KCNH1: variants seen among roughly 807,000 people sequenced by gnomAD.
KCNH1 encodes voltage-gated delayed rectifier potassium channel KCNH1.
In KCNH1, 27 loss-of-function variants were observed where a neutral mutation model predicts 69.2. That is an observed-to-expected ratio of 0.39 (90% CI 0.29 to 0.54). The LOEUF is 0.54. KCNH1 is among the 20% of genes least tolerant of loss of function. The pLI is 0.68. For synonymous variants in KCNH1, 456 were observed against 487.7 expected, an observed-to-expected ratio of 0.93 and a Z score of 0.86; for missense variants, 798 against 1,261.6, an observed-to-expected ratio of 0.63 and a Z score of 5.57.
chr1:210,951,536 A>G (rs1420999912), intron 6 of KCNH1, among the ~76,000 whole-genome samples: 1 of 152,116 alleles, frequency 6.6e-6, no homozygotes, highest in Non-Finnish European at 1.5e-5. Flanking sequence ...TGAGTTTACA[A>G]CGCTGCCTAG....
intron 5 of KCNH1, among the ~76,000 whole-genome samples, chr1:211,030,352 C>T (rs1689760414): frequency 6.6e-6 from 1 of 152,060 alleles, no homozygotes; most frequent in African/African-American, 2.4e-5. Flanking sequence ...TCAGTCTAAC[C>T]AATCACAAGA....
intron 7 of KCNH1, chr1:210,862,377 T>C: frequency 1.6e-6 from 1 of 634,142 alleles, no homozygotes; most frequent in Non-Finnish European, 2.9e-6. Context: ...CAGCGGCAAC[T>C]GGCGCAAAAG....
intron 6 of KCNH1, among the ~76,000 whole-genome samples, chr1:210,972,926 C>CAAAAA (rs34391382): frequency 3.7e-5 from 5 of 134,186 alleles, no homozygotes; most frequent in African/African-American, 5.5e-5. Context: ...CCAAACGTCT[C>CAAAAA]AAAAAAAAAA....
intron 6 of KCNH1, among the ~76,000 whole-genome samples, chr1:210,931,617 A>G (rs1184410748): frequency 1.3e-5 from 2 of 152,074 alleles, no homozygotes; most frequent in Admixed American, 1.3e-4. Flanking sequence ...CCACTAAATA[A>G]CTTCATGTAA....
intron 7 of KCNH1, among the ~76,000 whole-genome samples, chr1:210,884,052 C>G (rs1391015591): frequency 2.6e-5 from 4 of 152,138 alleles, no homozygotes; most frequent in East Asian, 1.9e-4. Context: ...ATGCCTATGT[C>G]AGATCTAGTG....
chr1:211,126,182 T>C (rs951825827), intron 1 of KCNH1, among the ~76,000 whole-genome samples: 3 of 128,432 alleles, frequency 2.3e-5, no homozygotes, highest in Non-Finnish European at 3.3e-5. Flanking sequence ...CTGGACAACA[T>C]GGCAAAACCC....
intron 10 of KCNH1, among the ~76,000 whole-genome samples, chr1:210,760,934 T>C (rs1167000944): frequency 6.6e-6 from 1 of 152,046 alleles, no homozygotes; most frequent in Non-Finnish European, 1.5e-5. Flanking sequence ...TCAAATCATA[T>C]CAGAATGATA....
chr1:210,961,461 C>G (rs533119091), intron 6 of KCNH1, among the ~76,000 whole-genome samples: 1 of 152,100 alleles, frequency 6.6e-6, no homozygotes, highest in Non-Finnish European at 1.5e-5. Flanking sequence ...AGTTTCATCT[C>G]TAGAAGTCTG....
intron 1 of KCNH1, among the ~76,000 whole-genome samples, chr1:211,131,741 TA>T (rs1389271051): frequency 6.6e-6 from 1 of 152,218 alleles, no homozygotes; most frequent in Non-Finnish European, 1.5e-5. Flanking sequence ...GATCACCTTT[TA>T]AACATTGAGT....
intron 1 of KCNH1, among the ~76,000 whole-genome samples, chr1:211,118,915 T>C (rs1011139627): frequency 5.9e-5 from 9 of 152,362 alleles, no homozygotes; most frequent in Admixed American, 1.3e-4. Flanking sequence ...AGTGTACTGT[T>C]CCCTGCCAAC....
chr1:211,118,855 A>G (rs1691634120), intron 1 of KCNH1, among the ~76,000 whole-genome samples: 1 of 152,272 alleles, frequency 6.6e-6, no homozygotes, highest in Non-Finnish European at 1.5e-5. Context: ...AAAGTGACTC[A>G]GTTTGGCAAT....
Position 210,984,120 on chromosome 1 carries a change from T to A in KCNH1, c.1032+34663A>T, listed in dbSNP as rs867727027. ...ATGCTTGTGATTTTTGCACATTGAT[T>A]TTGTATCCTGAGACTGCTGAAGTTG... On this transcript the variant is annotated intron_variant, in intron 6 of 10. Coordinates refer to ENST00000271751, the MANE Select transcript of KCNH1 (RefSeq NM_172362.3). Among the ~76,000 whole-genome samples, 27 of 152,312 alleles carry A rather than the reference T, an allele frequency of 1.8e-4. 1 individual carries two copies. The highest frequency in any genetic ancestry group is 6.8e-3 in the Middle Eastern group (2 of 294).
chr1:210,841,136 C>T (rs928393841), intron 7 of KCNH1, among the ~76,000 whole-genome samples: 2 of 152,152 alleles, frequency 1.3e-5, no homozygotes, highest in East Asian at 3.9e-4. Flanking sequence ...GAAGCTGCTT[C>T]CTGTTAAATA....
chr1:211,115,524 G>C (rs551862656), intron 1 of KCNH1, among the ~76,000 whole-genome samples: 46 of 151,840 alleles, frequency 3.0e-4, no homozygotes, highest in Admixed American at 5.9e-4. Flanking sequence ...AAAAAGGCAA[G>C]ACTGCTCTAG....
intron 7 of KCNH1, among the ~76,000 whole-genome samples, chr1:210,832,482 T>C (rs965954537): frequency 2.0e-5 from 3 of 152,206 alleles, no homozygotes; most frequent in African/African-American, 7.2e-5. Flanking sequence ...GATTTATGCC[T>C]CTCCAGAATA....
chr1:211,040,632 C>T (rs1689978866), intron 5 of KCNH1, among the ~76,000 whole-genome samples: 1 of 152,120 alleles, frequency 6.6e-6, no homozygotes, highest in Non-Finnish European at 1.5e-5. Context: ...GACTAACACA[C>T]CTTGAAAATT....
At chr1:210,945,045 GCA>G (rs1687934275) in intron 6 of KCNH1, among the ~76,000 whole-genome samples, 1 of 152,128 alleles carries the variant, frequency 6.6e-6, no homozygotes, top group Non-Finnish European at 1.5e-5. Flanking sequence ...CTTTCATTTA[GCA>G]CAGTGTTTTC....
rs888851857 is a variant in KCNH1 at position 210,838,929 on chromosome 1, A to G, written c.1463-34763T>C. 3.3e-5 allele frequency among the ~76,000 whole-genome samples: 5 copies of G among 152,204 alleles called. No homozygotes were observed. In the South Asian group the frequency reaches 1.0e-3, roughly 31 times the overall value. ...CAACAACAGATGCTGGCAGGGTTGC[A>G]GAGAAAAAGGAACGCTTTTACATTG... On this transcript the variant is annotated intron_variant, in intron 7 of 10. Coordinates refer to ENST00000271751, the MANE Select transcript of KCNH1 (RefSeq NM_172362.3).
intron 9 of KCNH1, among the ~76,000 whole-genome samples, chr1:210,795,962 A>AACACACACACACACACACAC (rs369505764): frequency 7.4e-6 from 1 of 135,980 alleles, no homozygotes; most frequent in African/African-American, 2.8e-5. Flanking sequence ...CTCTACTAAA[A>AACACACACACACACACACAC]ACACACACAC....
Sources: gnomAD v4.1 joint callset for allele counts (sites outside exome capture counted in the v4.1 genomes callset) on GRCh38, gnomAD v4.1.1 for gene constraint, MANE v1.5 for transcripts, NCBI Gene and HGNC (gene_info 2026-07-23, HGNC 2026-07-21) for gene names.